Variants in L3MBTL3 observed in about 807,000 individuals in gnomAD.
The protein encoded by L3MBTL3 is lethal(3)malignant brain tumor-like protein 3.
Under a neutral mutation model 102.3 loss-of-function variants are expected in L3MBTL3, and 27 were observed. The ratio of observed to expected loss-of-function variants is 0.26; its 90% CI spans 0.19 to 0.36. L3MBTL3 has a LOEUF of 0.36. Among genes scored for constraint, L3MBTL3 ranks in the 10% least tolerant of loss-of-function variants. The probability of loss-of-function intolerance (pLI) is 1.00; values close to 1 mark genes in which losing one functional copy is unlikely to be tolerated. For synonymous variants in L3MBTL3, 340 were observed against 320.9 expected (o/e 1.06, Z -0.64); for missense variants, 798 against 955.3 (o/e 0.84, Z 2.17).
At chr6:130,058,657 G>A (rs1375305156) in intron 9 of L3MBTL3, among the ~76,000 whole-genome samples, 1 of 152,128 alleles carries the variant, frequency 6.6e-6, no homozygotes, top group African/African-American at 2.4e-5. Context: ...TAGTAAATAT[G>A]TTAGGCATTT....
At position 130,070,956 on chromosome 6, in the gene L3MBTL3, A is replaced by AT. The variant is rs1782601931; in HGVS notation, c.1093-20_1093-19insT. 1 of 1,608,600 alleles carries AT rather than the reference A, an allele frequency of 6.2e-7. No individual in the cohort carries two copies. The highest frequency in any genetic ancestry group is 1.3e-5 in the African/African-American group (1 of 74,714). On this transcript the variant is annotated intron_variant, in intron 12 of 22. Transcript: ENST00000361794. The stretch of plus-strand genomic sequence containing the variant: ...GTCAAGTGTGTGCTTATCTCTAATT[A>AT]AATCTGTGTGTTTCCATAGACAGTG...
Position 130,057,459 on chromosome 6 carries a change from GA to G in L3MBTL3, c.722del (p.Glu241GlyfsTer28). The G allele has an allele frequency of 6.2e-7, 1 of 1,611,264 alleles. No individual in the cohort carries two copies. On this transcript the variant is annotated frameshift_variant, in exon 9 of 23. Transcript: ENST00000361794. LOFTEE classifies it high-confidence loss of function. ...AWCWASYLEEEKAVAVPAKLF... is the reference protein window; with the variant it reads ...AWCWASYLEEXKAVAVPAKLF... ...GTGCTGGGCATCCTACCTGGAAGAGGAGAAAGCGGTGGCAGTGCCGGCGAAG... is the reference window on the plus strand; with the variant it reads ...GTGCTGGGCATCCTACCTGGAAGAGGGAAAGCGGTGGCAGTGCCGGCGAAG...
At chr6:130,060,929 C>CT (rs1781854536) in intron 10 of L3MBTL3, among the ~76,000 whole-genome samples, 1 of 151,916 alleles carries the variant, frequency 6.6e-6, no homozygotes, top group South Asian at 2.1e-4. Context: ...TTATACTATT[C>CT]TTTAATTACC....
chr6:130,051,323 A>G lies in L3MBTL3; in HGVS notation c.364A>G (p.Asn122Asp). ...VKVEGLQFCE[N>D]CCQYGNVDEC... Reference sequence around the variant, plus strand: ...AGTAGAAGGGCTTCAGTTCTGTGAGAACTGTTGTCAGTATGGCAACGTAGA... The same window carrying G: ...AGTAGAAGGGCTTCAGTTCTGTGAGGACTGTTGTCAGTATGGCAACGTAGA... The change falls in exon 6 of 23, where the codon AAC becomes GAC. Residue 122 changes from asparagine (N) to aspartate (D), a missense_variant. By Grantham distance (23) the Asn-to-Asp change is conservative (BLOSUM62 1). Around this residue, in one of 4 missense-constraint regions of L3MBTL3, gnomAD observed 434 missense variants for 506.6 expected, o/e 0.86. Transcript: ENST00000361794. 6.2e-7 allele frequency: 1 copy of G among 1,613,814 alleles called. No homozygotes were observed. Among genetic ancestry groups the G allele is most frequent in the South Asian group, 1.1e-5 (1 of 91,070 alleles).
intron 18 of L3MBTL3, among the ~76,000 whole-genome samples, chr6:130,103,232 TA>T (rs1301295322): frequency 6.6e-6 from 1 of 152,234 alleles, no homozygotes; most frequent in Non-Finnish European, 1.5e-5. Context: ...AAGCTAACAT[TA>T]TATAAATTTA....
chr6:130,072,085 T>G (rs543112505), intron 13 of L3MBTL3, among the ~76,000 whole-genome samples: 1 of 152,236 alleles, frequency 6.6e-6, no homozygotes, highest in East Asian at 1.9e-4. Context: ...TGGCCTTCTG[T>G]ATCTGTGGGT....
At chr6:130,047,612 CAT>C (rs1780810027) in intron 3 of L3MBTL3, among the ~76,000 whole-genome samples, 1 of 152,194 alleles carries the variant, frequency 6.6e-6, no homozygotes, top group Non-Finnish European at 1.5e-5. Context: ...ACATCAGTGA[CAT>C]ATGATAAAAG....
At chr6:130,137,343 C>T (rs957816492) in intron 22 of L3MBTL3, among the ~76,000 whole-genome samples, 1 of 152,048 alleles carries the variant, frequency 6.6e-6, no homozygotes, top group African/African-American at 2.4e-5. Context: ...ATTGCAGAAG[C>T]TAACCGAAAA....
intron 20 of L3MBTL3, among the ~76,000 whole-genome samples, chr6:130,121,404 T>A (rs1786185402): frequency 6.6e-6 from 1 of 152,350 alleles, no homozygotes; most frequent in Non-Finnish European, 1.5e-5. Context: ...GAAGACATGA[T>A]CTCATTCTTT....
chr6:130,049,591 C>A, intron 4 of L3MBTL3, 165 bp from the exon 5 acceptor site: 3 of 763,748 alleles, frequency 3.9e-6, no homozygotes, highest in South Asian at 1.7e-5. Context: ...CTTCTTTGTC[C>A]TAATGCCAGA....
intron 18 of L3MBTL3, among the ~76,000 whole-genome samples, chr6:130,102,806 C>T (rs917983025): frequency 6.6e-6 from 1 of 152,242 alleles, no homozygotes; most frequent in African/African-American, 2.4e-5. Context: ...CTCACCACTC[C>T]GTCATAGCAT....
intron 19 of L3MBTL3, among the ~76,000 whole-genome samples, chr6:130,109,896 A>G (rs976492179): frequency 4.6e-5 from 7 of 152,182 alleles, no homozygotes; most frequent in African/African-American, 1.7e-4. Context: ...GAAGGAGTCC[A>G]GTTTCTGTTT....
At chr6:130,126,000 T>C (rs1042948885) in intron 20 of L3MBTL3, among the ~76,000 whole-genome samples, 4 of 151,096 alleles carry the variant, frequency 2.6e-5, no homozygotes, top group Non-Finnish European at 5.9e-5. Flanking sequence ...TGTGTAATTA[T>C]GAGCTTTTGG....
In L3MBTL3 at chr6:130,056,028, C is replaced by T. The variant is rs532768900; in HGVS notation, c.667+773C>T. ...CAGCAGCCTCCACCTCCTGGGTTCACGTGATTCCCCTGCCACAGCCTCCCA... is the reference window on the plus strand; with the variant it reads ...CAGCAGCCTCCACCTCCTGGGTTCATGTGATTCCCCTGCCACAGCCTCCCA... On this transcript the variant is annotated intron_variant, in intron 8 of 22. Coordinates refer to ENST00000361794, the MANE Select transcript of L3MBTL3 (RefSeq NM_032438.4). Among the ~76,000 whole-genome samples, 3 of 151,438 alleles carry T rather than the reference C, an allele frequency of 2.0e-5. No individual in the cohort carries two copies. The South Asian group carries it at 6.3e-4, about 32-fold the overall frequency.
chr6:130,071,610 A>T (rs141415988), intron 13 of L3MBTL3, among the ~76,000 whole-genome samples: 254 of 152,132 alleles, frequency 1.7e-3, no homozygotes, highest in African/African-American at 5.7e-3. Flanking sequence ...TGAAATAAGG[A>T]TTTTTCATAC....
intron 16 of L3MBTL3, among the ~76,000 whole-genome samples, chr6:130,087,141 C>A (rs1290572783): frequency 6.6e-6 from 1 of 151,976 alleles, no homozygotes; most frequent in Non-Finnish European, 1.5e-5. Context: ...AAATTACATT[C>A]TCAACTATCT....
chr6:130,081,868 A>G (rs986597163), intron 14 of L3MBTL3, among the ~76,000 whole-genome samples: 7 of 152,180 alleles, frequency 4.6e-5, no homozygotes, highest in Non-Finnish European at 8.8e-5. Flanking sequence ...ATTCCTAGCA[A>G]AAGGATCTCA....
At chr6:130,122,931 A>G (rs1182953060) in intron 20 of L3MBTL3, among the ~76,000 whole-genome samples, 1 of 152,192 alleles carries the variant, frequency 6.6e-6, no homozygotes, top group Non-Finnish European at 1.5e-5. Flanking sequence ...ATTCACTCTT[A>G]TTAATAGTAG....
At chr6:130,029,850 C>T (rs1166027168) in intron 2 of L3MBTL3, among the ~76,000 whole-genome samples, 1 of 152,114 alleles carries the variant, frequency 6.6e-6, no homozygotes, top group Non-Finnish European at 1.5e-5. Flanking sequence ...GACAGAGTCT[C>T]AGTCTGTCAC....
Sources: gnomAD v4.1 joint callset for allele counts (sites outside exome capture counted in the v4.1 genomes callset) on GRCh38, gnomAD v4.1.1 for gene constraint, gnomAD v4.1.1 regional missense constraint, MANE v1.5 for transcripts, NCBI Gene and HGNC (gene_info 2026-07-23, HGNC 2026-07-21) for gene names.